Variants in MAP3K20 observed in about 807,000 individuals in gnomAD.
MAP3K20 encodes HCCS-4.
Under a neutral mutation model 85.7 loss-of-function variants are expected in MAP3K20, and 40 were observed. That is an observed-to-expected ratio of 0.47 (90% CI 0.36 to 0.61). The LOEUF (loss-of-function observed/expected upper bound fraction) is 0.61. Among genes scored for constraint, MAP3K20 ranks in the 20% least tolerant of loss-of-function variants. The pLI, the probability that MAP3K20 is intolerant of heterozygous loss-of-function variation, is 0.00. For missense variants in MAP3K20, 817 were observed against 961.7 expected (o/e 0.85, Z 1.99); for synonymous variants, 325 against 327.7 (o/e 0.99, Z 0.09).
chr2:173,248,655 G>A (rs1448974514), intron 16 of MAP3K20, among the ~76,000 whole-genome samples: 1 of 152,144 alleles, frequency 6.6e-6, no homozygotes, highest in Non-Finnish European at 1.5e-5. Context: ...GCCAGGAAGT[G>A]TCTAACAATG....
At position 173,225,185 on chromosome 2, in the gene MAP3K20, G is replaced by A; in HGVS notation, c.988-4504G>A. On this transcript the variant is annotated intron_variant, in intron 11 of 19. Coordinates refer to ENST00000375213, the MANE Select transcript of MAP3K20 (RefSeq NM_016653.3). ...TGCTGTCACCGAATGGTGTTTGAGA[G>A]TGTTGGGGCTAGGGCACATTTTTGG... 4 of 979,242 alleles carry A rather than the reference G, an allele frequency of 4.1e-6. No individual in the cohort carries two copies. The South Asian group carries it at 1.4e-4, about 35-fold the overall frequency. The allele number at this position is 979,242 out of a possible 1,614,324, so 60.7% of individuals were successfully genotyped here.
chr2:173,118,321 G>A (rs1688182266), intron 2 of MAP3K20, among the ~76,000 whole-genome samples: 1 of 152,212 alleles, frequency 6.6e-6, no homozygotes, highest in African/African-American at 2.4e-5. Context: ...AGTTCAGGGA[G>A]CAAGACCTAA....
chr2:173,164,148 C>T (rs1689746355), intron 2 of MAP3K20, among the ~76,000 whole-genome samples: 1 of 152,002 alleles, frequency 6.6e-6, no homozygotes, highest in Non-Finnish European at 1.5e-5. Flanking sequence ...TTAGCAGAAA[C>T]AGGTTTTCAC....
At position 173,206,086 on chromosome 2, in the gene MAP3K20, A is replaced by T. The variant is rs762378504; in HGVS notation, c.744+2216A>T. Among the ~76,000 whole-genome samples the T allele has an allele frequency of 3.3e-5, 5 of 152,334 alleles. No homozygotes were observed. The South Asian group carries it at 1.0e-3, about 32-fold the overall frequency. Reference sequence around the variant, plus strand: ...GACATATGTTTCTCTCTGATACATAAATAGAAATTTTGCCTGAAATTATTT... The same window carrying T: ...GACATATGTTTCTCTCTGATACATATATAGAAATTTTGCCTGAAATTATTT... On this transcript the variant is annotated intron_variant, in intron 9 of 19. Transcript: ENST00000375213.
chr2:173,266,063 G>C lies in MAP3K20; in HGVS notation c.1716G>C (p.Gln572His). Residue 572 changes from glutamine to histidine, a missense_variant, in exon 20 of 20, where the codon CAG becomes CAC. By Grantham distance (24) the Gln-to-His change is conservative. Around this residue, in one of 4 missense-constraint regions of MAP3K20, gnomAD observed 454 missense variants for 476.9 expected, o/e 0.95. Transcript: ENST00000375213. ...GSRSDSSADC[Q>H]WLDTLRMRQI... Reference sequence around the variant, plus strand: ...TTTCTCCCGCAGGTGCTGATTGCCAGTGGTTAGATACTCTGAGGATGCGGC... The same window carrying C: ...TTTCTCCCGCAGGTGCTGATTGCCACTGGTTAGATACTCTGAGGATGCGGC... 4 of 1,571,624 alleles carry C rather than the reference G, an allele frequency of 2.5e-6. No individual in the cohort carries two copies. Among genetic ancestry groups the C allele is most frequent in the Non-Finnish European group, 3.5e-6 (4 of 1,155,970 alleles).
intron 2 of MAP3K20, among the ~76,000 whole-genome samples, chr2:173,111,106 T>A (rs1687962390): frequency 6.6e-6 from 1 of 152,234 alleles, no homozygotes; most frequent in Admixed American, 6.5e-5. Flanking sequence ...TTTTTTGATT[T>A]TTTTGATTAT....
Position 173,090,911 on chromosome 2 carries a change from G to A in MAP3K20, c.-34-87G>A, listed in dbSNP as rs534165598. ...ACTTTCTGGAAGTTTCACAGGACTC[G>A]TTCATGATATATTATCTAAAGTAGG... On this transcript the variant is annotated intron_variant, in intron 1 of 19. Transcript: ENST00000375213. 147 of 1,430,326 alleles carry A rather than the reference G, an allele frequency of 1.0e-4. 1 individual carries two copies. The South Asian group carries it at 2.2e-3, about 21-fold the overall frequency. The allele number at this position is 1,430,326 out of a possible 1,614,324, so 88.6% of individuals were successfully genotyped here.
intron 1 of MAP3K20, among the ~76,000 whole-genome samples, chr2:173,085,977 G>A (rs1687135972): frequency 6.6e-6 from 1 of 151,574 alleles, no homozygotes; most frequent in African/African-American, 2.4e-5. Flanking sequence ...TGCATTTTTA[G>A]TAGAGATGGG....
intron 8 of MAP3K20, among the ~76,000 whole-genome samples, chr2:173,203,077 T>C (rs1159248960): frequency 6.6e-6 from 1 of 152,168 alleles, no homozygotes; most frequent in East Asian, 1.9e-4. Flanking sequence ...GTATGGTATA[T>C]TGAATTGTCT....
At chr2:173,153,978 C>T (rs945405843) in intron 2 of MAP3K20, among the ~76,000 whole-genome samples, 9 of 152,002 alleles carry the variant, frequency 5.9e-5, no homozygotes, top group Admixed American at 5.2e-4. Context: ...TACAGAGAGT[C>T]GACTGTTTGT....
At position 173,208,332 on chromosome 2, in the gene MAP3K20, AG is replaced by A. The variant is rs374281056; in HGVS notation, c.745-1395del. ...GAAAATTGGTGAGCCCAGGTGGTCGAGGCTGCAGTGAGCTATGATCACACCA... is the reference window on the plus strand; with the variant it reads ...GAAAATTGGTGAGCCCAGGTGGTCGAGCTGCAGTGAGCTATGATCACACCA... On this transcript the variant is annotated intron_variant, in intron 9 of 19. Coordinates refer to ENST00000375213, the MANE Select transcript of MAP3K20 (RefSeq NM_016653.3). 5.0e-4 allele frequency among the ~76,000 whole-genome samples: 76 copies of A among 151,916 alleles called. 1 individual carries two copies. The South Asian group carries it at 8.3e-3, about 17-fold the overall frequency.
intron 2 of MAP3K20, among the ~76,000 whole-genome samples, chr2:173,113,351 G>A (rs759419642): frequency 6.6e-6 from 1 of 151,648 alleles, no homozygotes; most frequent in Admixed American, 6.6e-5. Context: ...CCAGCTTTTT[G>A]GTTCATTTAT....
intron 2 of MAP3K20, among the ~76,000 whole-genome samples, chr2:173,124,664 C>T (rs1688391748): frequency 6.6e-6 from 1 of 152,186 alleles, no homozygotes; most frequent in Non-Finnish European, 1.5e-5. Flanking sequence ...CACAGGAATC[C>T]AGCTGCTGGG....
At chr2:173,161,015 G>A (rs1176429828) in intron 2 of MAP3K20, among the ~76,000 whole-genome samples, 2 of 152,204 alleles carry the variant, frequency 1.3e-5, no homozygotes, top group African/African-American at 2.4e-5. Flanking sequence ...ATGGCAAAAT[G>A]TATTGGGTAG....
In MAP3K20 at chr2:173,266,383, A is replaced by G. The variant is rs1685422755; in HGVS notation, c.2036A>G (p.Asn679Ser). The G allele has an allele frequency of 1.9e-6, 3 of 1,614,048 alleles. No homozygotes were observed. The highest frequency in any genetic ancestry group is 4.5e-5 in the East Asian group (2 of 44,896). Residue 679 changes from asparagine to serine, a missense_variant, in exon 20 of 20, where the codon AAC becomes AGC. Physicochemically the swap from Asn to Ser is conservative, Grantham distance 46. This residue lies in a region of MAP3K20 where 454 missense variants were observed against 476.9 expected (regional missense o/e 0.95). Transcript: ENST00000375213. ...ERGRYSDRSR[N>S]KYGRGSISLN... ...GGTCGATACTCAGACAGAAGCAGGA[A>G]CAAATATGGACGTGGTAGTATATCA...
intron 15 of MAP3K20, 135 bp from the exon 16 acceptor site, chr2:173,239,269 A>G (rs1054385651): frequency 1.5e-6 from 1 of 654,944 alleles, no homozygotes. Context: ...TAGAATTTGT[A>G]GCTTAATCCA....
At chr2:173,207,508 A>T (rs1683728195) in intron 9 of MAP3K20, 1 of 152,200 alleles carries the variant, frequency 6.6e-6, no homozygotes, top group Non-Finnish European at 1.5e-5. Context: ...TAATAATAGT[A>T]AGTTGAAGTC....
chr2:173,261,260 AAACC>A, intron 18 of MAP3K20, 123 bp downstream of exon 18: 1 of 909,568 alleles, frequency 1.1e-6, no homozygotes, highest in South Asian at 1.7e-5. Flanking sequence ...TATTGGGAGT[AAACC>A]AACCAACATG....
At chr2:173,130,537 A>G (rs1206594037) in intron 2 of MAP3K20, among the ~76,000 whole-genome samples, 1 of 150,684 alleles carries the variant, frequency 6.6e-6, no homozygotes, top group Non-Finnish European at 1.5e-5. Context: ...CATCTGTAAA[A>G]TGAGAGTTAA....
Sources: allele counts gnomAD v4.1 joint callset (sites outside exome capture counted in the v4.1 genomes callset), GRCh38; gene constraint gnomAD v4.1.1; regional missense constraint gnomAD v4.1.1; transcripts MANE v1.5; gene names NCBI Gene and HGNC (gene_info 2026-07-23, HGNC 2026-07-21).